FGF5: variants seen among roughly 807,000 people sequenced by gnomAD.
FGF5 encodes the protein fibroblast growth factor 5.
FGF5 carries 23 observed loss-of-function variants against 21.8 expected under a neutral mutation model. The observed-to-expected ratio is 1.05, with a 90% CI of 0.76 to 1.49. The LOEUF is 1.49. Among genes scored for constraint, FGF5 ranks in the 40% most tolerant of loss-of-function variants. The pLI is 0.00. For missense variants in FGF5, 352 were observed against 332.9 expected (o/e 1.06, Z -0.45); for synonymous variants, 158 against 124.0 (o/e 1.27, Z -1.82).
chr4:80,271,959 T>C (rs904232947), intron 1 of FGF5, among the ~76,000 whole-genome samples: 6 of 152,106 alleles, frequency 3.9e-5, no homozygotes, highest in African/African-American at 1.4e-4. Context: ...GCCTGTGATG[T>C]TTTGGGGAGG....
chr4:80,274,954 G>A lies in FGF5; in HGVS notation c.401G>A (p.Arg134Gln), dbSNP rs202119277. ...FAVSQGIVGIRGVFSNKFLAM... is the reference protein window; with the variant it reads ...FAVSQGIVGIQGVFSNKFLAM... ...GTGTCTCAGGGGATTGTAGGAATAC[G>A]AGGAGTTTTCAGCAACAAATTTTTA... Residue 134 changes from arginine to glutamine, a missense_variant, in exon 2 of 3, where the codon CGA becomes CAA. Arg to Gln is a conservative substitution (Grantham distance 43, BLOSUM62 1). Transcript: ENST00000312465. 232 of 1,600,044 alleles carry A rather than the reference G, an allele frequency of 1.4e-4. No individual in the cohort carries two copies. The highest frequency in any genetic ancestry group is 1.9e-4 in the Non-Finnish European group (223 of 1,171,032).
chr4:80,268,351 G>A, intron 1 of FGF5: 1 of 407,912 alleles, frequency 2.5e-6, no homozygotes, highest in Non-Finnish European at 3.3e-6. Flanking sequence ...CAGGGAGACC[G>A]GAAATGTAGC....
intron 2 of FGF5, among the ~76,000 whole-genome samples, chr4:80,284,915 AG>A (rs1454205884): frequency 3.3e-5 from 5 of 152,226 alleles, no homozygotes; most frequent in Non-Finnish European, 5.9e-5. Flanking sequence ...TTTTATATAT[AG>A]GGGACAAAAT....
At position 80,289,991 on chromosome 4, in the gene FGF5, T is replaced by A. The variant is rs1464612880; in HGVS notation, c.*3319T>A. 6.6e-6 allele frequency: 1 copy of A among 152,144 alleles called. No individual in the cohort carries two copies. The highest frequency in any genetic ancestry group is 1.5e-5 in the Non-Finnish European group (1 of 68,028). The allele number at this position is 152,144 out of a possible 1,614,324, so 9.4% of individuals were successfully genotyped here. ...ATCAATCTTGAAATAGAAAATGTAA[T>A]AACTTTCTTACCATTAACATTTTTT... On this transcript the variant is annotated 3_prime_UTR_variant, in exon 3 of 3. Coordinates refer to ENST00000312465, the MANE Select transcript of FGF5 (RefSeq NM_004464.4).
Position 80,286,303 on chromosome 4 carries a change from C to T in FGF5, c.460-22C>T, listed in dbSNP as rs1720715362. On this transcript the variant is annotated intron_variant, in intron 2 of 2. Transcript: ENST00000312465. ...GAAAAGATCGCCACAACTTAAATTTCCTCTTTTTTTCTCCTCCTTAGGCCA... is the reference window on the plus strand; with the variant it reads ...GAAAAGATCGCCACAACTTAAATTTTCTCTTTTTTTCTCCTCCTTAGGCCA... The T allele has an allele frequency of 4.7e-6, 7 of 1,500,678 alleles. No individual in the cohort carries two copies. The East Asian group carries it at 1.6e-4, about 34-fold the overall frequency. The allele number at this position is 1,500,678 out of a possible 1,614,324, so 93.0% of individuals were successfully genotyped here. A position where few individuals can be genotyped will look rare whatever the true frequency, so the allele number is the denominator to read the frequency against.
intron 2 of FGF5, among the ~76,000 whole-genome samples, chr4:80,285,700 T>G (rs751366393): frequency 6.6e-6 from 1 of 152,192 alleles, no homozygotes; most frequent in Non-Finnish European, 1.5e-5. Context: ...CTCGAGTGAC[T>G]TTTTTCTTCT....
At chr4:80,277,144 A>T (rs1240985960) in intron 2 of FGF5, among the ~76,000 whole-genome samples, 1 of 152,154 alleles carries the variant, frequency 6.6e-6, no homozygotes, top group Non-Finnish European at 1.5e-5. Flanking sequence ...AATTTGACCC[A>T]AATGTCTAAG....
Position 80,286,813 on chromosome 4 carries a change from G to C in FGF5, c.*141G>C. The C allele has an allele frequency of 3.1e-6, 2 of 635,124 alleles. No individual in the cohort carries two copies. The highest frequency in any genetic ancestry group is 5.4e-6 in the Non-Finnish European group (2 of 372,452). The allele number at this position is 635,124 out of a possible 1,614,324, so 39.3% of individuals were successfully genotyped here. The stretch of plus-strand genomic sequence containing the variant: ...GAAGTCACGTCATTTGTTTCAATGT[G>C]ACTGAAACAAAATGTTTTTTGATAG... On this transcript the variant is annotated 3_prime_UTR_variant, in exon 3 of 3. Coordinates refer to ENST00000312465, the MANE Select transcript of FGF5 (RefSeq NM_004464.4).
chr4:80,288,525 T>G lies in FGF5; in HGVS notation c.*1853T>G, dbSNP rs1362735272. 6.6e-6 allele frequency: 1 copy of G among 152,120 alleles called. No homozygotes were observed. The highest frequency in any genetic ancestry group is 1.5e-5 in the Non-Finnish European group (1 of 67,982). 9.4% of individuals were successfully genotyped at this position (152,120 alleles called of 1,614,324 possible). ...AGTATTTCTGGGTTAAATGAAACAA[T>G]GAAATTTTTTAGTATGTTCAACTCT... On this transcript the variant is annotated 3_prime_UTR_variant, in exon 3 of 3. Transcript: ENST00000312465.
intron 2 of FGF5, among the ~76,000 whole-genome samples, chr4:80,275,291 G>C (rs1720379729): frequency 6.6e-6 from 1 of 151,892 alleles, no homozygotes; most frequent in South Asian, 2.1e-4. Flanking sequence ...TTATTTCTTA[G>C]AAGTGGCCCA....
At chr4:80,271,690 T>C (rs35537307) in intron 1 of FGF5, among the ~76,000 whole-genome samples, 1,658 of 152,276 alleles carry the variant, frequency 0.011, 21 homozygotes, top group African/African-American at 0.037. Context: ...ATATACCATC[T>C]ACAAGACAAG....
At chr4:80,271,440 C>T (rs574343125) in intron 1 of FGF5, among the ~76,000 whole-genome samples, 32 of 152,212 alleles carry the variant, frequency 2.1e-4, no homozygotes, top group Non-Finnish European at 3.1e-4. Flanking sequence ...TCTTTTGACC[C>T]TCTTAAATGG....
At chr4:80,279,354 A>T (rs966812132) in intron 2 of FGF5, among the ~76,000 whole-genome samples, 1 of 152,218 alleles carries the variant, frequency 6.6e-6, no homozygotes, top group African/African-American at 2.4e-5. Context: ...TCCACACTTA[A>T]TGTTTAAACA....
Position 80,274,987 on chromosome 4 carries a change from C to A in FGF5, c.434C>A (p.Ser145Ter). The change falls in exon 2 of 3, where the codon TCA becomes TAA. Residue 145 changes from serine to a stop codon, truncating the protein, a stop_gained. Coordinates refer to ENST00000312465, the MANE Select transcript of FGF5 (RefSeq NM_004464.4). LOFTEE classifies it high-confidence loss of function. Reference sequence around the variant, plus strand: ...TTCAGCAACAAATTTTTAGCGATGTCAAAAAAAGGAAAACTCCATGCAAGT... The same window carrying A: ...TTCAGCAACAAATTTTTAGCGATGTAAAAAAAAGGAAAACTCCATGCAAGT... ...GVFSNKFLAMSKKGKLHASAK... is the reference protein window; with the variant it reads ...GVFSNKFLAM The A allele has an allele frequency of 6.4e-7, 1 of 1,570,588 alleles. No individual in the cohort carries two copies. The highest frequency in any genetic ancestry group is 1.1e-5 in the South Asian group (1 of 88,036).
intron 2 of FGF5, among the ~76,000 whole-genome samples, chr4:80,285,552 G>A (rs779725144): frequency 6.6e-6 from 1 of 152,066 alleles, no homozygotes; most frequent in African/African-American, 2.4e-5. Flanking sequence ...TGTACCCTCT[G>A]CATACCGCTG....
At chr4:80,283,764 A>G (rs1459477061) in intron 2 of FGF5, among the ~76,000 whole-genome samples, 3 of 152,074 alleles carry the variant, frequency 2.0e-5, no homozygotes, top group Non-Finnish European at 4.4e-5. Context: ...ATGTCATTCA[A>G]CTGCATTTTA....
chr4:80,290,122 AG>A lies in FGF5; in HGVS notation c.*3451del, dbSNP rs1283016269. The A allele has an allele frequency of 3.3e-5, 5 of 152,160 alleles. No homozygotes were observed. The highest frequency in any genetic ancestry group is 7.4e-5 in the Non-Finnish European group (5 of 68,022). 9.4% of individuals were successfully genotyped at this position (152,160 alleles called of 1,614,324 possible). ...ACTTGCATTCTGGCATAATTTTTAC[AG>A]TTGCAGAGAATTGTTTCTGGGCTCA... On this transcript the variant is annotated 3_prime_UTR_variant, in exon 3 of 3. Coordinates refer to ENST00000312465, the MANE Select transcript of FGF5 (RefSeq NM_004464.4).
chr4:80,272,173 T>C (rs911072439), intron 1 of FGF5, among the ~76,000 whole-genome samples: 1 of 152,216 alleles, frequency 6.6e-6, no homozygotes, highest in Non-Finnish European at 1.5e-5. Context: ...CTCTTACATC[T>C]CCTGCATTCT....
At chr4:80,272,035 C>T (rs1054242228) in intron 1 of FGF5, among the ~76,000 whole-genome samples, 1 of 152,122 alleles carries the variant, frequency 6.6e-6, no homozygotes, top group Non-Finnish European at 1.5e-5. Flanking sequence ...TGTGAAATCA[C>T]TGCTGACATT....
Sources: allele counts gnomAD v4.1 joint callset (sites outside exome capture counted in the v4.1 genomes callset), GRCh38; gene constraint gnomAD v4.1.1; transcripts MANE v1.5; gene names NCBI Gene and HGNC (gene_info 2026-07-23, HGNC 2026-07-21).